Variants in ALK observed in about 807,000 individuals in gnomAD.
ALK encodes the protein ALK tyrosine kinase receptor.
In ALK, 74 loss-of-function variants were observed where a neutral mutation model predicts 163.1. The ratio of observed to expected loss-of-function variants is 0.45; its 90% CI spans 0.38 to 0.55. The LOEUF (loss-of-function observed/expected upper bound fraction) is 0.55, where lower values mean the gene tolerates loss of function less well. Among genes scored for constraint, ALK ranks in the 20% least tolerant of loss-of-function variants. ALK has a pLI of 0.00. For missense variants in ALK, 2,063 were observed against 2,105.3 expected, an observed-to-expected ratio of 0.98 and a Z score of 0.39; for synonymous variants, 960 against 843.2, an observed-to-expected ratio of 1.14 and a Z score of -2.40.
At chr2:29,758,972 C>A (rs1558475737) in intron 1 of ALK, among the ~76,000 whole-genome samples, 1 of 151,420 alleles carries the variant, frequency 6.6e-6, no homozygotes, top group Non-Finnish European at 1.5e-5. Flanking sequence ...CTAAATCTTG[C>A]TTTTTTTTTC....
intron 3 of ALK, among the ~76,000 whole-genome samples, chr2:29,667,351 G>A (rs1371643074): frequency 6.6e-6 from 1 of 152,024 alleles, no homozygotes; most frequent in Non-Finnish European, 1.5e-5. Flanking sequence ...CCAGTGTTAT[G>A]TTAAATAAAA....
chr2:29,645,469 G>T (rs1366781479), intron 3 of ALK, among the ~76,000 whole-genome samples: 1 of 152,106 alleles, frequency 6.6e-6, no homozygotes, highest in Non-Finnish European at 1.5e-5. Flanking sequence ...TACTCTCATG[G>T]TATCATTTTC....
intron 7 of ALK, among the ~76,000 whole-genome samples, chr2:29,318,756 C>T (rs1054159013): frequency 7.9e-5 from 12 of 152,004 alleles, no homozygotes; most frequent in African/African-American, 1.9e-4. Flanking sequence ...TTAGTAGAGA[C>T]GGGGTTTCAC....
intron 1 of ALK, among the ~76,000 whole-genome samples, chr2:29,746,276 A>C (rs981661979): frequency 1.5e-4 from 23 of 152,236 alleles, no homozygotes; most frequent in African/African-American, 5.5e-4. Context: ...AAAAAAATTA[A>C]AATGTAGCTA....
At chr2:29,565,194 C>T (rs1674144455) in intron 3 of ALK, among the ~76,000 whole-genome samples, 1 of 152,200 alleles carries the variant, frequency 6.6e-6, no homozygotes, top group African/African-American at 2.4e-5. Flanking sequence ...TCACTTAACC[C>T]TTCCATAAAT....
chr2:29,900,133 G>T (rs1449037064), intron 1 of ALK, among the ~76,000 whole-genome samples: 2 of 152,262 alleles, frequency 1.3e-5, no homozygotes, highest in African/African-American at 4.8e-5. Flanking sequence ...TCCCTGTCTT[G>T]CCCAGATGAA....
chr2:29,468,853 CAAAAAAA>C (rs70958265), intron 4 of ALK, among the ~76,000 whole-genome samples: 2 of 30,920 alleles, frequency 6.5e-5, no homozygotes, highest in African/African-American at 1.3e-4. Context: ...GACCCTGCCT[CAAAAAAA>C]AAAAAAAAAA....
At chr2:29,768,368 AC>A (rs1355522448) in intron 1 of ALK, among the ~76,000 whole-genome samples, 2 of 152,234 alleles carry the variant, frequency 1.3e-5, no homozygotes, top group Non-Finnish European at 2.9e-5. Context: ...CAGGGAATCC[AC>A]CTCAGGAAAT....
chr2:29,606,384 A>G (rs1256969717), intron 3 of ALK, among the ~76,000 whole-genome samples: 1 of 152,248 alleles, frequency 6.6e-6, no homozygotes, highest in African/African-American at 2.4e-5. Context: ...AGGGCCCCAG[A>G]AAAGAAATGG....
intron 3 of ALK, among the ~76,000 whole-genome samples, chr2:29,611,968 A>G (rs1675705392): frequency 6.6e-6 from 1 of 152,194 alleles, no homozygotes; most frequent in South Asian, 2.1e-4. Context: ...CAATAAATAA[A>G]CAAAGAGACA....
At chr2:29,249,679 G>A (rs1322956423) in intron 12 of ALK, among the ~76,000 whole-genome samples, 1 of 152,160 alleles carries the variant, frequency 6.6e-6, no homozygotes, top group Non-Finnish European at 1.5e-5. Flanking sequence ...CCCACCCTAT[G>A]CTCATACAGG....
chr2:29,604,450 T>G (rs545532269), intron 3 of ALK, among the ~76,000 whole-genome samples: 1 of 152,294 alleles, frequency 6.6e-6, no homozygotes, highest in Admixed American at 6.5e-5. Context: ...GAGTTTTTAC[T>G]TATTGAATTT....
chr2:29,194,038 T>C, intron 28 of ALK, 116 bp from the exon 29 acceptor site: 1 of 1,024,204 alleles, frequency 9.8e-7, no homozygotes, highest in South Asian at 1.4e-5. Context: ...AACCAGGATT[T>C]ATTGAGAATA....
At chr2:29,825,583 A>C (rs1665174145) in intron 1 of ALK, among the ~76,000 whole-genome samples, 1 of 152,248 alleles carries the variant, frequency 6.6e-6, no homozygotes, top group Non-Finnish European at 1.5e-5. Context: ...GGTTGGAGGC[A>C]GATCTGGAGG....
At chr2:29,629,276 T>C (rs1157635302) in intron 3 of ALK, among the ~76,000 whole-genome samples, 2 of 152,200 alleles carry the variant, frequency 1.3e-5, no homozygotes, top group African/African-American at 4.8e-5. Context: ...TAAACCTTTA[T>C]TGTATTTTTA....
At chr2:29,358,693 T>A (rs777056383) in intron 5 of ALK, among the ~76,000 whole-genome samples, 2 of 152,202 alleles carry the variant, frequency 1.3e-5, no homozygotes, top group Admixed American at 6.5e-5. Context: ...CAGCATCTCA[T>A]CTGCACCTCC....
chr2:29,282,827 G>C (rs1357055594), intron 9 of ALK, among the ~76,000 whole-genome samples: 1 of 152,092 alleles, frequency 6.6e-6, no homozygotes, highest in African/African-American at 2.4e-5. Context: ...CAGGCATTCT[G>C]TGCTCACTTT....
At chr2:29,199,128 A>AT (rs1293632832) in intron 26 of ALK, among the ~76,000 whole-genome samples, 20 of 151,518 alleles carry the variant, frequency 1.3e-4, no homozygotes, top group African/African-American at 4.8e-4. Flanking sequence ...TAATTTTTGT[A>AT]TTTTTAGTAG....
chr2:29,256,475 T>G (rs1664951806), intron 11 of ALK, among the ~76,000 whole-genome samples: 3 of 152,096 alleles, frequency 2.0e-5, no homozygotes, highest in Non-Finnish European at 4.4e-5. Context: ...TCAGAGGAGT[T>G]GAGTGGCTGG....
Sources: gnomAD v4.1 joint callset for allele counts (sites outside exome capture counted in the v4.1 genomes callset) on GRCh38, gnomAD v4.1.1 for gene constraint, MANE v1.5 for transcripts, NCBI Gene and HGNC (gene_info 2026-07-23, HGNC 2026-07-21) for gene names.